CCDC39: variants seen among roughly 807,000 people sequenced by gnomAD.
The protein encoded by CCDC39 is coiled-coil domain-containing protein 39.
Under a neutral mutation model 121.0 loss-of-function variants are expected in CCDC39, and 113 were observed. The ratio of observed to expected loss-of-function variants is 0.93; its 90% CI spans 0.80 to 1.09. The LOEUF is 1.09. CCDC39 is among the 50% of genes least tolerant of loss of function. The probability of loss-of-function intolerance (pLI) is 0.00; values close to 1 mark genes in which losing one functional copy is unlikely to be tolerated. For missense variants in CCDC39, 1,063 were observed against 1,074.7 expected (o/e 0.99, Z 0.15); for synonymous variants, 349 against 352.2 (o/e 0.99, Z 0.10).
intron 5 of CCDC39, 28 bp downstream of exon 5, chr3:180,659,649 A>G: frequency 1.2e-6 from 2 of 1,603,844 alleles, no homozygotes; most frequent in African/African-American, 2.7e-5. Flanking sequence ...CTTGAAAATT[A>G]AGAAATAAAA....
intron 14 of CCDC39, among the ~76,000 whole-genome samples, chr3:180,630,842 T>C (rs1244523202): frequency 1.3e-5 from 2 of 152,112 alleles, no homozygotes; most frequent in African/African-American, 4.8e-5. Flanking sequence ...TAGGGATATA[T>C]GGGCAGGGAA....
At chr3:180,632,347 C>T (rs1051660238) in intron 13 of CCDC39, among the ~76,000 whole-genome samples, 2 of 151,980 alleles carry the variant, frequency 1.3e-5, no homozygotes, top group Non-Finnish European at 2.9e-5. Context: ...TTAATATATG[C>T]CTGGCAATAT....
intron 14 of CCDC39, among the ~76,000 whole-genome samples, chr3:180,623,627 A>G (rs114770983): frequency 0.018 from 2,699 of 152,022 alleles, 102 homozygotes; most frequent in African/African-American, 0.063. Context: ...CTTTTGCTCT[A>G]TCCCACAGGT....
intron 6 of CCDC39, among the ~76,000 whole-genome samples, chr3:180,658,596 CAA>C (rs545147274): frequency 1.5e-5 from 2 of 134,380 alleles, no homozygotes; most frequent in Non-Finnish European, 1.6e-5. Flanking sequence ...GACTCCGTCT[CAA>C]AAAAAAAAAA....
At chr3:180,652,295 T>C in intron 7 of CCDC39, 29 bp from the exon 8 acceptor site, 1 of 1,255,754 alleles carries the variant, frequency 8.0e-7, no homozygotes, top group Non-Finnish European at 1.1e-6. Flanking sequence ...ACAGAAATTA[T>C]ATATTTACTC....
rs903261644 is a variant in CCDC39, at chr3:180,617,356, C to T, written c.2266-390G>A. 3 of 557,426 alleles carry T rather than the reference C, an allele frequency of 5.4e-6. No individual in the cohort carries two copies. In the African/African-American group the frequency reaches 5.7e-5, roughly 11 times the overall value. 34.5% of individuals were successfully genotyped at this position (557,426 alleles called of 1,614,324 possible). ...ATTACTGATTTATGTATTTACTATA[C>T]AATATACTTTTATTATTTTACAGTG... On this transcript the variant is annotated intron_variant, in intron 16 of 19. Transcript: ENST00000476379.
intron 13 of CCDC39, among the ~76,000 whole-genome samples, chr3:180,638,456 AATAGAATG>A (rs1304937261): frequency 7.2e-5 from 11 of 152,132 alleles, no homozygotes; most frequent in African/African-American, 2.7e-4. Context: ...AATCCAAGAA[AATAGAATG>A]ATGACAAGGG....
intron 19 of CCDC39, among the ~76,000 whole-genome samples, chr3:180,615,626 G>T (rs1051521501): frequency 6.6e-6 from 1 of 151,680 alleles, no homozygotes; most frequent in Non-Finnish European, 1.5e-5. Context: ...TTTTTTTAGG[G>T]GCCTCTTCAT....
Position 180,679,451 on chromosome 3 carries a change from G to A in CCDC39, c.-71C>T. On this transcript the variant is annotated 5_prime_UTR_variant, in exon 1 of 20. It adds an upstream start codon to the 5' untranslated region. Coordinates refer to ENST00000476379, the MANE Select transcript of CCDC39 (RefSeq NM_181426.2). This position sits in a 1 kb window ranked among gnomAD's most constrained non-coding sequence, Gnocchi z 4.0. The stretch of plus-strand genomic sequence containing the variant: ...TGTACAGCGGGTGAGCAGCACCCGC[G>A]TCAAGCCCAGGCACCTGCACAGTGC... 1 of 1,397,900 alleles carries A rather than the reference G, an allele frequency of 7.2e-7. No homozygotes were observed. The allele number at this position is 1,397,900 out of a possible 1,614,324, so 86.6% of individuals were successfully genotyped here. A position where few individuals can be genotyped will look rare whatever the true frequency, so the allele number is the denominator to read the frequency against.
At position 180,651,408 on chromosome 3, in the gene CCDC39, T is replaced by A; in HGVS notation, c.1160A>T (p.Asp387Val). ...ATTAAAACTAAACTTTACCTTCACA[T>A]CTTTTTCCTCCTCCTTTAGCATATC... ...LEDMLKEEEK[D>V]VKEVDVQLNL... is the part of the protein sequence containing the mutation. Residue 387 changes from aspartate (D) to valine (V), a missense_variant, in exon 9 of 20, where the codon GAT becomes GTT. Physicochemically the swap from Asp to Val is radical, Grantham distance 152. Coordinates refer to ENST00000476379, the MANE Select transcript of CCDC39 (RefSeq NM_181426.2). 2 of 1,555,700 alleles carry A rather than the reference T, an allele frequency of 1.3e-6. No individual in the cohort carries two copies. The highest frequency in any genetic ancestry group is 1.7e-6 in the Non-Finnish European group (2 of 1,148,854).
At chr3:180,650,824 T>A (rs1238153286) in intron 9 of CCDC39, among the ~76,000 whole-genome samples, 2 of 151,460 alleles carry the variant, frequency 1.3e-5, no homozygotes, top group African/African-American at 4.9e-5. Flanking sequence ...GTCACTGCAC[T>A]CCAGCCTAGG....
chr3:180,648,082 T>C (rs1235081388), intron 10 of CCDC39, 83 bp downstream of exon 10: 1 of 1,139,634 alleles, frequency 8.8e-7, no homozygotes, highest in Non-Finnish European at 1.3e-6. Flanking sequence ...TTATAATTCT[T>C]TGTTTTCTTA....
chr3:180,660,866 T>C (rs1004969169), intron 3 of CCDC39, 138 bp from the exon 4 acceptor site: 4 of 580,306 alleles, frequency 6.9e-6, no homozygotes, highest in Non-Finnish European at 1.2e-5. Flanking sequence ...CAGATGTTTA[T>C]AATATGCCAT....
chr3:180,676,516 G>C (rs1374877965), intron 1 of CCDC39, among the ~76,000 whole-genome samples: 1 of 152,262 alleles, frequency 6.6e-6, no homozygotes, highest in African/African-American at 2.4e-5. Context: ...AGGATGTGGA[G>C]AAATAGGAAC....
chr3:180,677,180 A>C (rs1479259451), intron 1 of CCDC39, among the ~76,000 whole-genome samples: 4 of 56,230 alleles, frequency 7.1e-5, no homozygotes, highest in Admixed American at 3.5e-4. Context: ...ATATATATAT[A>C]TATATATATA....
intron 1 of CCDC39, among the ~76,000 whole-genome samples, chr3:180,676,760 G>T (rs1329563776): frequency 2.0e-5 from 3 of 152,112 alleles, no homozygotes; most frequent in Non-Finnish European, 2.9e-5. Flanking sequence ...AACAATGATA[G>T]ACTGGATTAA....
chr3:180,635,070 A>G (rs190158320), intron 13 of CCDC39, among the ~76,000 whole-genome samples: 6 of 152,332 alleles, frequency 3.9e-5, no homozygotes, highest in Admixed American at 2.6e-4. Flanking sequence ...CTCTGGAAAC[A>G]TATAATCATG....
At position 180,659,672 on chromosome 3, in the gene CCDC39, C is replaced by G. The variant is rs776476123; in HGVS notation, c.609+5G>C. The G allele has an allele frequency of 3.1e-6, 5 of 1,607,126 alleles. No homozygotes were observed. The highest frequency in any genetic ancestry group is 4.2e-6 in the Non-Finnish European group (5 of 1,177,792). ...TTAAGAAATAAAAATCTTCCTTAAA[C>G]TAACCTGTGCGCTTATAGTCTCTGT... On this transcript the variant is annotated splice_donor_5th_base_variant and intron_variant, in intron 5 of 19. Transcript: ENST00000476379.
chr3:180,648,910 T>C (rs376492519), intron 9 of CCDC39, among the ~76,000 whole-genome samples: 1 of 152,134 alleles, frequency 6.6e-6, no homozygotes, highest in South Asian at 2.1e-4. Flanking sequence ...AAAGGCAGAG[T>C]TGGGAAGAAA....
Sources: allele counts gnomAD v4.1 joint callset (sites outside exome capture counted in the v4.1 genomes callset), GRCh38; gene constraint gnomAD v4.1.1; non-coding constraint Gnocchi (gnomAD v3.1); transcripts MANE v1.5; gene names NCBI Gene and HGNC (gene_info 2026-07-23, HGNC 2026-07-21).